Variants in ITGAV observed in about 807,000 individuals in gnomAD.
The protein encoded by ITGAV is integrin subunit alpha V.
A neutral mutation model predicts 143.8 loss-of-function variants in ITGAV; 76 were observed. That is an observed-to-expected ratio of 0.53 (90% CI 0.44 to 0.64). The LOEUF is 0.64. ITGAV is among the 30% of genes least tolerant of loss of function. The probability of loss-of-function intolerance (pLI) is 0.00; values close to 1 mark genes in which losing one functional copy is unlikely to be tolerated. For missense variants in ITGAV, 1,193 were observed against 1,274.7 expected (o/e 0.94, Z 0.98); for synonymous variants, 453 against 446.7 (o/e 1.01, Z -0.18).
intron 18 of ITGAV, among the ~76,000 whole-genome samples, chr2:186,659,981 A>G (rs1427055380): frequency 6.6e-6 from 1 of 151,876 alleles, no homozygotes; most frequent in Non-Finnish European, 1.5e-5. Context: ...TATTCTTTAC[A>G]TTTTTTATTT....
intron 18 of ITGAV, among the ~76,000 whole-genome samples, chr2:186,663,378 G>T (rs1688801235): frequency 6.6e-6 from 1 of 152,026 alleles, no homozygotes; most frequent in Non-Finnish European, 1.5e-5. Flanking sequence ...ACTCTAGAAG[G>T]GAGTCTATTT....
chr2:186,675,084 G>A (rs746997409), intron 26 of ITGAV, among the ~76,000 whole-genome samples: 31 of 152,158 alleles, frequency 2.0e-4, no homozygotes, highest in Non-Finnish European at 8.8e-5. Flanking sequence ...ATAGAAGGTG[G>A]TGAATATTTA....
intron 25 of ITGAV, 87 bp from the exon 26 acceptor site, chr2:186,669,614 A>T: frequency 1.2e-6 from 1 of 852,202 alleles, no homozygotes; most frequent in Non-Finnish European, 1.9e-6. Flanking sequence ...CTATTTTTTA[A>T]TCATATCTAA....
intron 15 of ITGAV, 101 bp downstream of exon 15, chr2:186,652,190 C>G (rs1450973501): frequency 2.8e-6 from 2 of 724,942 alleles, no homozygotes; most frequent in African/African-American, 1.8e-5. Context: ...ATTGCTAAAA[C>G]AGTTTCTGTG....
intron 1 of ITGAV, among the ~76,000 whole-genome samples, chr2:186,593,444 A>G (rs1201825436): frequency 4.6e-5 from 6 of 130,384 alleles, no homozygotes; most frequent in African/African-American, 1.6e-4. Context: ...AAAATTATGA[A>G]AAAACATTCG....
In ITGAV at chr2:186,667,745, A is replaced by T. The variant is rs1303556921; in HGVS notation, c.2402A>T (p.Asp801Val). The T allele has an allele frequency of 1.2e-6, 2 of 1,610,568 alleles. No individual in the cohort carries two copies. Among genetic ancestry groups the T allele is most frequent in the Non-Finnish European group, 1.7e-6 (2 of 1,177,762 alleles). ...EHKENPETEE[D>V]VGPVVQHIYE... ...AAGGAGAACCCTGAGACTGAAGAAG[A>T]TGTTGGGCCAGTTGTTCAGCACATC... Residue 801 changes from aspartate to valine, a missense_variant, in exon 24 of 30, where the codon GAT becomes GTT. By Grantham distance (152) the Asp-to-Val change is radical (BLOSUM62 -3). Coordinates refer to ENST00000261023, the MANE Select transcript of ITGAV (RefSeq NM_002210.5).
Position 186,659,186 on chromosome 2 carries a change from C to A in ITGAV, c.1857+11C>A. The A allele has an allele frequency of 6.6e-7, 1 of 1,511,060 alleles. No homozygotes were observed. Among genetic ancestry groups the A allele is most frequent in the South Asian group, 1.4e-5 (1 of 70,974 alleles). The allele number at this position is 1,511,060 out of a possible 1,614,324, so 93.6% of individuals were successfully genotyped here. On this transcript the variant is annotated intron_variant, in intron 18 of 29. Transcript: ENST00000261023. The stretch of plus-strand genomic sequence containing the variant: ...AACATTAGTCGACAGGTACTGTACT[C>A]AGTTTACCACTAATGTGATATTTTG...
chr2:186,620,171 C>G (rs1687482602), intron 2 of ITGAV, among the ~76,000 whole-genome samples: 1 of 152,146 alleles, frequency 6.6e-6, no homozygotes, highest in African/African-American at 2.4e-5. Context: ...GTACTGTACC[C>G]TTACTTTCCT....
chr2:186,659,054 G>T lies in ITGAV; in HGVS notation c.1736G>T (p.Arg579Ile), dbSNP rs1272423943. 1 of 1,608,980 alleles carries T rather than the reference G, an allele frequency of 6.2e-7. No individual in the cohort carries two copies. Among genetic ancestry groups the T allele is most frequent in the Admixed American group, 1.7e-5 (1 of 59,418 alleles). The change falls in exon 18 of 30, where the codon AGA becomes ATA. Residue 579 changes from arginine (R) to isoleucine (I), a missense_variant. Physicochemically the swap from Arg to Ile is moderately conservative, Grantham distance 97 (BLOSUM62 -3). Transcript: ENST00000261023. The part of the protein sequence containing the change: ...IAYLRDESEF[R>I]DKLTPITIFM... ...CATTTCTAGGATGAATCTGAATTTA[G>T]AGACAAACTCACTCCAATTACTATT...
chr2:186,608,958 T>C (rs1687141476), intron 2 of ITGAV, among the ~76,000 whole-genome samples: 1 of 152,184 alleles, frequency 6.6e-6, no homozygotes, highest in Non-Finnish European at 1.5e-5. Context: ...AGTAACACCA[T>C]GAGAATAATT....
In ITGAV at chr2:186,640,975, T is replaced by TA. The variant is rs772091482; in HGVS notation, c.956+17dup. On this transcript the variant is annotated intron_variant, in intron 11 of 29. Coordinates refer to ENST00000261023, the MANE Select transcript of ITGAV (RefSeq NM_002210.5). Reference sequence around the variant, plus strand: ...TGACATTAATGGAGATGAGTAAGTTTAAAAAAAAATGTTTCCAGAAAGTTA... The same window carrying TA: ...TGACATTAATGGAGATGAGTAAGTTTAAAAAAAAAATGTTTCCAGAAAGTTA... 1.6e-4 allele frequency: 244 copies of TA among 1,563,536 alleles called. No homozygotes were observed. The highest frequency in any genetic ancestry group is 3.4e-4 in the Middle Eastern group (2 of 5,872).
chr2:186,619,864 T>A (rs1228409718), intron 2 of ITGAV, among the ~76,000 whole-genome samples: 1 of 151,948 alleles, frequency 6.6e-6, no homozygotes, highest in African/African-American at 2.4e-5. Flanking sequence ...TGGTGGCGTG[T>A]GCCTGTAATC....
chr2:186,630,997 C>T (rs1342128553), intron 5 of ITGAV, 139 bp downstream of exon 5: 1 of 530,424 alleles, frequency 1.9e-6, no homozygotes, highest in East Asian at 2.7e-5. Flanking sequence ...ACGATCCATT[C>T]ATTTTGACAT....
chr2:186,638,009 T>G (rs1327517145), intron 8 of ITGAV, among the ~76,000 whole-genome samples: 1 of 152,208 alleles, frequency 6.6e-6, no homozygotes, highest in Non-Finnish European at 1.5e-5. Context: ...TTACTTTATC[T>G]TGTCTATTCT....
intron 29 of ITGAV, 116 bp downstream of exon 29, chr2:186,677,051 T>A (rs1291523855): frequency 1.7e-6 from 2 of 1,212,098 alleles, no homozygotes; most frequent in Non-Finnish European, 2.4e-6. Context: ...ATGATGATAC[T>A]TGATGAGCAT....
In ITGAV at chr2:186,653,071, G is replaced by T. The variant is rs568619429; in HGVS notation, c.1505+982G>T. 9.8e-3 allele frequency among the ~76,000 whole-genome samples: 1,471 copies of T among 150,066 alleles called. 23 individuals carry two copies. Among genetic ancestry groups the T allele is most frequent in the African/African-American group, 0.034 (1,398 of 40,752 alleles). The stretch of plus-strand genomic sequence containing the variant: ...CGCCATTCTCCTGCCTCAGCCTCCC[G>T]AGTAGCTGGGACTACAGGCGCCCAC... On this transcript the variant is annotated intron_variant, in intron 15 of 29. Coordinates refer to ENST00000261023, the MANE Select transcript of ITGAV (RefSeq NM_002210.5).
intron 1 of ITGAV, chr2:186,600,380 T>A: frequency 6.5e-7 from 1 of 1,535,266 alleles, no homozygotes; most frequent in African/African-American, 1.4e-5. Context: ...CTTAATGTTG[T>A]GGTGAGTTCC....
chr2:186,628,546 G>A (rs577480186), intron 4 of ITGAV, among the ~76,000 whole-genome samples: 22 of 152,174 alleles, frequency 1.4e-4, no homozygotes, highest in African/African-American at 5.3e-4. Context: ...GGGAAATTAA[G>A]TAACTTGACC....
chr2:186,635,542 C>A (rs1411007458), intron 6 of ITGAV, among the ~76,000 whole-genome samples: 1 of 152,198 alleles, frequency 6.6e-6, no homozygotes, highest in Non-Finnish European at 1.5e-5. Context: ...GGAGACAACA[C>A]TTGATAAACC....
Sources: gnomAD v4.1 joint callset for allele counts (sites outside exome capture counted in the v4.1 genomes callset) on GRCh38, gnomAD v4.1.1 for gene constraint, MANE v1.5 for transcripts, NCBI Gene and HGNC (gene_info 2026-07-23, HGNC 2026-07-21) for gene names.